The following PRKN variants were observed in gnomAD, a reference collection of about 807,000 sequenced individuals.
The protein encoded by PRKN is parkin RBR E3 ubiquitin protein ligase, also known as E3 ubiquitin-protein ligase parkin.
In PRKN, 56 loss-of-function variants were observed where a neutral mutation model predicts 59.5. The ratio of observed to expected loss-of-function variants is 0.94; its 90% CI spans 0.76 to 1.18. The LOEUF (loss-of-function observed/expected upper bound fraction) is 1.18, where lower values mean the gene tolerates loss of function less well. Among genes scored for constraint, PRKN ranks in the 50% most tolerant of loss-of-function variants. The pLI is 0.00. For missense variants in PRKN, 657 were observed against 596.4 expected, an observed-to-expected ratio of 1.10 and a Z score of -1.06; for synonymous variants, 250 against 222.1, an observed-to-expected ratio of 1.13 and a Z score of -1.12.
intron 2 of PRKN, among the ~76,000 whole-genome samples, chr6:162,329,618 G>A (rs534878373): frequency 6.6e-6 from 1 of 152,048 alleles, no homozygotes; most frequent in East Asian, 1.9e-4. Flanking sequence ...GTTTATTTTT[G>A]AGAGGAATAT....
chr6:162,657,909 T>C (rs536200154), intron 1 of PRKN, among the ~76,000 whole-genome samples: 3 of 152,274 alleles, frequency 2.0e-5, no homozygotes, highest in African/African-American at 4.8e-5. Context: ...AAACCTAAAA[T>C]GACATCTCTG....
At chr6:162,588,974 G>A (rs932216877) in intron 1 of PRKN, among the ~76,000 whole-genome samples, 5 of 152,196 alleles carry the variant, frequency 3.3e-5, no homozygotes, top group South Asian at 2.1e-4. Context: ...AGTGTGGACC[G>A]GATGAAAGCT....
chr6:162,431,461 A>C (rs1346037206), intron 2 of PRKN, among the ~76,000 whole-genome samples: 3 of 152,152 alleles, frequency 2.0e-5, no homozygotes, highest in Non-Finnish European at 4.4e-5. Flanking sequence ...CTGAGGCAGG[A>C]GAATTGCTTG....
chr6:161,965,517 A>G (rs1175508643), intron 6 of PRKN, among the ~76,000 whole-genome samples: 2 of 152,042 alleles, frequency 1.3e-5, no homozygotes, highest in Non-Finnish European at 2.9e-5. Context: ...CTATCGATGA[A>G]AAGAGTCAAA....
rs1582987596 is a variant in PRKN at position 161,373,670 on chromosome 6, T to C, written c.1167+13124A>G. Among the ~76,000 whole-genome samples the C allele has an allele frequency of 6.6e-6, 1 of 152,056 alleles. No homozygotes were observed. The highest frequency in any genetic ancestry group is 1.9e-4 in the East Asian group (1 of 5,156). ...AGTTAAATGGGCTACACCTCTGTGCTTGCGGGGTGCTGAGTTTAAACGGGC... is the reference window on the plus strand; with the variant it reads ...AGTTAAATGGGCTACACCTCTGTGCCTGCGGGGTGCTGAGTTTAAACGGGC... On this transcript the variant is annotated intron_variant, in intron 10 of 11. Coordinates refer to ENST00000366898, the MANE Select transcript of PRKN (RefSeq NM_004562.3). This position sits in a 1 kb window ranked among gnomAD's most constrained non-coding sequence, Gnocchi z 4.8.
intron 2 of PRKN, among the ~76,000 whole-genome samples, chr6:162,409,752 C>T (rs540496518): frequency 3.9e-5 from 6 of 152,214 alleles, no homozygotes; most frequent in African/African-American, 1.2e-4. Context: ...GAAATTAATA[C>T]CTCAAGTGGG....
intron 4 of PRKN, among the ~76,000 whole-genome samples, chr6:162,177,581 T>G (rs546203506): frequency 1.3e-5 from 2 of 151,980 alleles, no homozygotes; most frequent in Non-Finnish European, 2.9e-5. Context: ...ACCAGGTGTG[T>G]GTCAAAAAAA....
At chr6:162,028,471 C>T (rs911018739) in intron 5 of PRKN, among the ~76,000 whole-genome samples, 2 of 152,166 alleles carry the variant, frequency 1.3e-5, no homozygotes, top group Non-Finnish European at 2.9e-5. Context: ...GATGACGGAG[C>T]CCTGGGCCGG....
At chr6:162,173,014 G>A (rs12201119) in intron 4 of PRKN, among the ~76,000 whole-genome samples, 40,190 of 152,058 alleles carry the variant, frequency 0.26, 5,882 homozygotes, top group Middle Eastern at 0.35. Flanking sequence ...AAGACACCCT[G>A]GGGAATTGAA....
chr6:161,470,877 T>C lies in PRKN; in HGVS notation c.1083+77977A>G, dbSNP rs1583111533. On this transcript the variant is annotated intron_variant, in intron 9 of 11. Transcript: ENST00000366898. This position sits in a 1 kb window ranked among gnomAD's most constrained non-coding sequence, Gnocchi z 5.1. Reference sequence around the variant, plus strand: ...GCCTATGTGTGTGCAGAGAACCTTCTAGGCAGGGCAGAGCTAGACAAGAGA... The same window carrying C: ...GCCTATGTGTGTGCAGAGAACCTTCCAGGCAGGGCAGAGCTAGACAAGAGA... Among the ~76,000 whole-genome samples the C allele has an allele frequency of 1.3e-5, 2 of 152,268 alleles. No homozygotes were observed. Among genetic ancestry groups the C allele is most frequent in the East Asian group, 1.9e-4 (1 of 5,182 alleles).
intron 9 of PRKN, among the ~76,000 whole-genome samples, chr6:161,523,428 CTAGA>C (rs1357695235): frequency 6.6e-6 from 1 of 152,156 alleles, no homozygotes; most frequent in Admixed American, 6.5e-5. Flanking sequence ...TAGAGTCTCT[CTAGA>C]TAGAGACAGA....
chr6:161,672,523 C>T (rs951889207), intron 7 of PRKN, among the ~76,000 whole-genome samples: 2 of 152,112 alleles, frequency 1.3e-5, no homozygotes, highest in African/African-American at 4.8e-5. Flanking sequence ...TGTCTGTAAT[C>T]CCAACACTTT....
rs528331020 is a variant in PRKN, at chr6:161,675,645, A to T, written c.872-106229T>A. On this transcript the variant is annotated intron_variant, in intron 7 of 11. Coordinates refer to ENST00000366898, the MANE Select transcript of PRKN (RefSeq NM_004562.3). ...GTTATATGCTCTCTTGCTGCTTACTATGCCGTTTTGTCTTTTTCTCCTCAT... is the reference window on the plus strand; with the variant it reads ...GTTATATGCTCTCTTGCTGCTTACTTTGCCGTTTTGTCTTTTTCTCCTCAT... Among the ~76,000 whole-genome samples, 603 of 152,222 alleles carry T rather than the reference A, an allele frequency of 4.0e-3. 2 individuals are homozygous for T. Among genetic ancestry groups the T allele is most frequent in the Admixed American group, 7.7e-3 (118 of 15,288 alleles).
intron 2 of PRKN, among the ~76,000 whole-genome samples, chr6:162,419,893 T>A (rs1402681759): frequency 1.3e-5 from 2 of 151,862 alleles, no homozygotes; most frequent in African/African-American, 4.8e-5. Context: ...TTACTTACTA[T>A]CCTCCCTCCT....
At position 161,482,932 on chromosome 6, in the gene PRKN, T is replaced by C. The variant is rs180921101; in HGVS notation, c.1083+65922A>G. ...TAGACTTTAGTAACTGTGGCATATT[T>C]AATGTTTCATAGCTTTTTGAGAATT... is the stretch of plus-strand genomic sequence containing the variant. On this transcript the variant is annotated intron_variant, in intron 9 of 11. Transcript: ENST00000366898. Among the ~76,000 whole-genome samples the C allele has an allele frequency of 3.3e-3, 505 of 152,356 alleles. 3 individuals are homozygous for C. Among genetic ancestry groups the C allele is most frequent in the African/African-American group, 0.012 (481 of 41,586 alleles).
chr6:161,504,410 G>A (rs972968454), intron 9 of PRKN, among the ~76,000 whole-genome samples: 4 of 152,182 alleles, frequency 2.6e-5, no homozygotes, highest in Non-Finnish European at 5.9e-5. Context: ...TCAGGTGTGC[G>A]GGGATGGGAA....
At chr6:161,769,514 T>G (rs1398525156) in intron 7 of PRKN, among the ~76,000 whole-genome samples, 1 of 152,110 alleles carries the variant, frequency 6.6e-6, no homozygotes, top group Non-Finnish European at 1.5e-5. Context: ...AGGAATATCT[T>G]TTTGACAGAG....
rs546399319 is a variant in PRKN at position 161,873,898 on chromosome 6, C to A, written c.735-87990G>T. 1.4e-3 allele frequency among the ~76,000 whole-genome samples: 148 copies of A among 107,154 alleles called. 14 individuals carry two copies. The highest frequency in any genetic ancestry group is 5.7e-3 in the African/African-American group (129 of 22,504). The allele number at this position is 107,154 out of a possible 152,430, so 70.3% of individuals were successfully genotyped here. A position where few individuals can be genotyped will look rare whatever the true frequency, so the allele number is the denominator to read the frequency against. ...TTTATATATAAATAAAAATTATATACTATATATAAAATATATAAATATATA... is the reference window on the plus strand; with the variant it reads ...TTTATATATAAATAAAAATTATATAATATATATAAAATATATAAATATATA... On this transcript the variant is annotated intron_variant, in intron 6 of 11. Coordinates refer to ENST00000366898, the MANE Select transcript of PRKN (RefSeq NM_004562.3).
intron 9 of PRKN, among the ~76,000 whole-genome samples, chr6:161,543,312 G>A (rs1046930993): frequency 5.3e-5 from 8 of 152,262 alleles, no homozygotes; most frequent in African/African-American, 1.7e-4. Flanking sequence ...TTCTTTGCAC[G>A]AAGTAGGTCA....
Sources: gnomAD v4.1 joint callset for allele counts (sites outside exome capture counted in the v4.1 genomes callset) on GRCh38, gnomAD v4.1.1 for gene constraint, Gnocchi (gnomAD v3.1) non-coding constraint, MANE v1.5 for transcripts, NCBI Gene and HGNC (gene_info 2026-07-23, HGNC 2026-07-21) for gene names.